GRK3: variants seen among roughly 807,000 people sequenced by gnomAD.
The protein encoded by GRK3 is G protein-coupled receptor kinase 3, also known as adrenergic, beta, receptor kinase 2.
Under a neutral mutation model 95.7 loss-of-function variants are expected in GRK3, and 54 were observed. The ratio of observed to expected loss-of-function variants is 0.56; its 90% CI spans 0.45 to 0.71. GRK3 has a LOEUF of 0.71. Among genes scored for constraint, GRK3 ranks in the 30% least tolerant of loss-of-function variants. GRK3 has a pLI of 0.00. For missense variants in GRK3, 649 were observed against 851.2 expected (o/e 0.76, Z 2.96); for synonymous variants, 281 against 290.8 (o/e 0.97, Z 0.34).
intron 1 of GRK3, among the ~76,000 whole-genome samples, chr22:25,576,349 C>A (rs1488734500): frequency 6.6e-6 from 1 of 152,190 alleles, no homozygotes; most frequent in Non-Finnish European, 1.5e-5. Flanking sequence ...ACTACAGTGG[C>A]TTTGGGACAA....
intron 1 of GRK3, among the ~76,000 whole-genome samples, chr22:25,603,632 T>C (rs1246709673): frequency 6.6e-6 from 1 of 152,224 alleles, no homozygotes; most frequent in Non-Finnish European, 1.5e-5. Context: ...TTTATTTCTA[T>C]GTTCTATGAA....
chr22:25,676,998 C>T (rs2085035354), intron 8 of GRK3, among the ~76,000 whole-genome samples: 1 of 152,100 alleles, frequency 6.6e-6, no homozygotes, highest in Non-Finnish European at 1.5e-5. Context: ...AACAGAGGCC[C>T]AAGAATGCAC....
intron 1 of GRK3, among the ~76,000 whole-genome samples, chr22:25,578,371 G>T (rs943645638): frequency 1.6e-4 from 25 of 152,142 alleles, no homozygotes; most frequent in Non-Finnish European, 2.9e-4. Context: ...GTTTCCACTG[G>T]CTAAAAGTGA....
chr22:25,729,205 G>GT lies in GRK3; in HGVS notation c.*6760dup, dbSNP rs1053625501. ...GGGGCACACCACCGTCAGCACCACCGTTTTTACAGTTACTTTGGAGCTGCT... is the reference window on the plus strand; with the variant it reads ...GGGGCACACCACCGTCAGCACCACCGTTTTTTACAGTTACTTTGGAGCTGCT... On this transcript the variant is annotated 3_prime_UTR_variant, in exon 21 of 21. Transcript: ENST00000324198. 16 of 152,318 alleles carry GT rather than the reference G, an allele frequency of 1.1e-4. No homozygotes were observed. Among genetic ancestry groups the GT allele is most frequent in the African/African-American group, 3.8e-4 (16 of 41,574 alleles). The allele number at this position is 152,318 out of a possible 1,614,324, so 9.4% of individuals were successfully genotyped here.
intron 1 of GRK3, among the ~76,000 whole-genome samples, chr22:25,578,017 T>C (rs1324610613): frequency 6.6e-6 from 1 of 152,182 alleles, no homozygotes; most frequent in African/African-American, 2.4e-5. Context: ...AAAAGAATAA[T>C]GTCATTTTTG....
chr22:25,704,257 T>A (rs1409414215), intron 15 of GRK3, 48 bp downstream of exon 15: 1 of 1,413,780 alleles, frequency 7.1e-7, no homozygotes, highest in African/African-American at 1.4e-5. Context: ...AAGAGCAAAA[T>A]AGTGATTTTA....
At chr22:25,690,901 G>A (rs1017200365) in intron 12 of GRK3, among the ~76,000 whole-genome samples, 4 of 151,938 alleles carry the variant, frequency 2.6e-5, no homozygotes, top group African/African-American at 9.7e-5. Context: ...GGTCCTCTAC[G>A]TGATCACCCA....
chr22:25,712,490 G>T (rs141483519), intron 17 of GRK3, among the ~76,000 whole-genome samples: 1 of 152,220 alleles, frequency 6.6e-6, no homozygotes, highest in Non-Finnish European at 1.5e-5. Flanking sequence ...CTATCTGTCC[G>T]TCAGAGTACT....
At chr22:25,581,608 T>A (rs1287490600) in intron 1 of GRK3, among the ~76,000 whole-genome samples, 1 of 152,064 alleles carries the variant, frequency 6.6e-6, no homozygotes, top group Non-Finnish European at 1.5e-5. Context: ...TGGACAGATT[T>A]ACAACTTCTT....
intron 4 of GRK3, among the ~76,000 whole-genome samples, chr22:25,663,267 C>T (rs1460814265): frequency 6.6e-6 from 1 of 152,164 alleles, no homozygotes; most frequent in Non-Finnish European, 1.5e-5. Flanking sequence ...TCAAGTGATC[C>T]TCCTGCCTCA....
At chr22:25,575,444 T>C (rs1931856249) in intron 1 of GRK3, among the ~76,000 whole-genome samples, 1 of 152,210 alleles carries the variant, frequency 6.6e-6, no homozygotes, top group Non-Finnish European at 1.5e-5. Context: ...AGGGTTTGAA[T>C]TGGGTCAGTA....
chr22:25,674,804 C>T (rs1178368888), intron 8 of GRK3, among the ~76,000 whole-genome samples: 4 of 152,112 alleles, frequency 2.6e-5, no homozygotes, highest in African/African-American at 9.7e-5. Flanking sequence ...AAAAAATTAG[C>T]CGGGCGCAGT....
intron 8 of GRK3, among the ~76,000 whole-genome samples, chr22:25,677,193 C>T (rs544063808): frequency 6.6e-6 from 1 of 151,810 alleles, no homozygotes; most frequent in Admixed American, 6.6e-5. Context: ...AGACTCTCAT[C>T]TCTAAAAATA....
chr22:25,645,497 GC>G (rs1220135452), intron 3 of GRK3, among the ~76,000 whole-genome samples: 1 of 152,114 alleles, frequency 6.6e-6, no homozygotes, highest in Non-Finnish European at 1.5e-5. Context: ...CAAAACACAC[GC>G]CAAGTTTTCA....
intron 9 of GRK3, 50 bp from the exon 10 acceptor site, chr22:25,685,120 T>A: frequency 7.7e-7 from 1 of 1,298,410 alleles, no homozygotes; most frequent in South Asian, 1.2e-5. Context: ...GTAGATGTGC[T>A]TTCTAGGCAG....
In GRK3 at chr22:25,711,710, T is replaced by C. The variant is rs1043165421; in HGVS notation, c.1491+547T>C. Among the ~76,000 whole-genome samples, 7 of 152,180 alleles carry C rather than the reference T, an allele frequency of 4.6e-5. No homozygotes were observed. In the East Asian group the frequency reaches 1.4e-3, roughly 30 times the overall value. On this transcript the variant is annotated intron_variant, in intron 17 of 20. Coordinates refer to ENST00000324198, the MANE Select transcript of GRK3 (RefSeq NM_005160.4). ...TGAGTCATGAGAGAAGATCATTCTGTTTAAGATGCTGGGTCAAAGTGTATC... is the reference window on the plus strand; with the variant it reads ...TGAGTCATGAGAGAAGATCATTCTGCTTAAGATGCTGGGTCAAAGTGTATC...
intron 3 of GRK3, chr22:25,648,117 A>G: frequency 5.0e-6 from 3 of 594,840 alleles, no homozygotes; most frequent in Non-Finnish European, 9.0e-6. Context: ...AACTCCGTCT[A>G]AAAAACAAAT....
chr22:25,623,100 T>C (rs2084598879), intron 2 of GRK3, among the ~76,000 whole-genome samples: 1 of 151,968 alleles, frequency 6.6e-6, no homozygotes, highest in Non-Finnish European at 1.5e-5. Context: ...TGCCACCACA[T>C]GTGGCTAATT....
chr22:25,668,251 C>T (rs918163129), intron 6 of GRK3, among the ~76,000 whole-genome samples: 19 of 152,148 alleles, frequency 1.2e-4, no homozygotes, highest in African/African-American at 4.1e-4. Flanking sequence ...TCATTAAATA[C>T]CTAATAAATA....
Sources: gnomAD v4.1 joint callset for allele counts (sites outside exome capture counted in the v4.1 genomes callset) on GRCh38, gnomAD v4.1.1 for gene constraint, MANE v1.5 for transcripts, NCBI Gene and HGNC (gene_info 2026-07-23, HGNC 2026-07-21) for gene names.